The following PDE10A variants were observed in gnomAD, a reference collection of about 807,000 sequenced individuals.
The protein encoded by PDE10A is phosphodiesterase 10A, also known as cAMP and cAMP-inhibited cGMP 3',5'-cyclic phosphodiesterase 10A.
Under a neutral mutation model 97.7 loss-of-function variants are expected in PDE10A, and 39 were observed. That is an observed-to-expected ratio of 0.40 (90% CI 0.31 to 0.52). The LOEUF (loss-of-function observed/expected upper bound fraction) is 0.52. Ranked by LOEUF, PDE10A falls within the 20% of genes least tolerant of loss-of-function variation. The pLI is 0.56. For missense variants in PDE10A, 731 were observed against 1,047.8 expected (o/e 0.70, Z 4.17); for synonymous variants, 371 against 376.8 (o/e 0.98, Z 0.18).
At chr6:165,413,797 T>C in intron 12 of PDE10A, 110 bp from the exon 13 acceptor site, 1 of 772,962 alleles carries the variant, frequency 1.3e-6, no homozygotes, top group East Asian at 2.7e-5. Context: ...CATATGCTTC[T>C]ATTGCATATG....
At chr6:165,762,388 A>T (rs1487222914) in intron 1 of PDE10A, among the ~76,000 whole-genome samples, 1 of 152,110 alleles carries the variant, frequency 6.6e-6, no homozygotes, top group Non-Finnish European at 1.5e-5. Context: ...CCAAACCCCT[A>T]GCATTTCAGT....
chr6:165,720,211 G>A (rs367746237), intron 1 of PDE10A, among the ~76,000 whole-genome samples: 4 of 152,268 alleles, frequency 2.6e-5, no homozygotes, highest in Admixed American at 1.3e-4. Context: ...GGGTGTTCCT[G>A]TATTTTGTTT....
chr6:165,708,751 G>C (rs10455959), intron 1 of PDE10A, among the ~76,000 whole-genome samples: 40,612 of 70,992 alleles, frequency 0.57, 9,213 homozygotes, highest in African/African-American at 0.63. Context: ...ACTCTCCACC[G>C]CCATGCTGCC....
At chr6:165,867,575 A>T (rs1278536439) in intron 1 of PDE10A, among the ~76,000 whole-genome samples, 1 of 152,042 alleles carries the variant, frequency 6.6e-6, no homozygotes, top group Admixed American at 6.5e-5. Context: ...CCAATACAAT[A>T]ATTAGGGACT....
intron 1 of PDE10A, among the ~76,000 whole-genome samples, chr6:165,583,571 A>T (rs1393729916): frequency 6.6e-6 from 1 of 152,224 alleles, no homozygotes; most frequent in African/African-American, 2.4e-5. Context: ...CTTACTTCAC[A>T]GCAAATGAGG....
chr6:165,902,443 G>A (rs889609552), intron 1 of PDE10A, among the ~76,000 whole-genome samples: 3 of 152,168 alleles, frequency 2.0e-5, no homozygotes, highest in African/African-American at 7.2e-5. Flanking sequence ...GTTGCTTTTG[G>A]CATCACATGA....
At chr6:165,539,308 GA>G (rs1783281676) in intron 2 of PDE10A, among the ~76,000 whole-genome samples, 1 of 152,002 alleles carries the variant, frequency 6.6e-6, no homozygotes, top group African/African-American at 2.4e-5. Flanking sequence ...ATAAGAGTTA[GA>G]AAAAAAGACT....
In PDE10A at chr6:165,395,253, T is replaced by C; in HGVS notation, c.2231A>G (p.Asp744Gly). Residue 744 changes from aspartate to glycine, a missense_variant, in exon 15 of 22, where the codon GAC becomes GGC. By Grantham distance (94) the Asp-to-Gly change is moderately conservative. Coordinates refer to ENST00000539869, the MANE Select transcript of PDE10A (RefSeq NM_001385079.1). ...CCACATGTTTTCAAAAGGACCAATG[T>C]CAAAGTGGAATCTGAAATTTTAAAA... ...LCKEIELFHFDIGPFENMWPG... is the reference protein window; with the variant it reads ...LCKEIELFHFGIGPFENMWPG... 6.2e-7 allele frequency: 1 copy of C among 1,612,374 alleles called. No homozygotes were observed. The highest frequency in any genetic ancestry group is 8.5e-7 in the Non-Finnish European group (1 of 1,178,638).
At chr6:165,527,650 T>C (rs1415614570) in intron 2 of PDE10A, among the ~76,000 whole-genome samples, 1 of 152,170 alleles carries the variant, frequency 6.6e-6, no homozygotes, top group Non-Finnish European at 1.5e-5. Context: ...TTCTGACCCA[T>C]CTAGCCATAA....
At position 165,943,215 on chromosome 6, in the gene PDE10A, GAAAGAAAGAAAGAAAGAAA is replaced by G. The variant is rs1783609818; in HGVS notation, c.-615+44295_-615+44313del. 1.6e-4 allele frequency among the ~76,000 whole-genome samples: 12 copies of G among 76,490 alleles called. 1 individual carries two copies. Among genetic ancestry groups the G allele is most frequent in the Admixed American group, 6.4e-4 (5 of 7,806 alleles). 50.2% of individuals were successfully genotyped at this position (76,490 alleles called of 152,430 possible). A position where few individuals can be genotyped will look rare whatever the true frequency, so the allele number is the denominator to read the frequency against. On this transcript the variant is annotated intron_variant, in intron 1 of 19. Coordinates refer to the PDE10A transcript ENST00000366882. ...AGAAAGAAAGAAAGAAAGAAAGAAA[GAAAGAAAGAAAGAAAGAAA>G]GAAGGAAGGAAGGAAGGAAGGAAGG...
chr6:165,619,888 G>A (rs1025694551), intron 1 of PDE10A, among the ~76,000 whole-genome samples: 1 of 152,036 alleles, frequency 6.6e-6, no homozygotes, highest in Admixed American at 6.6e-5. Context: ...CATTTATAAT[G>A]GCTACATGAT....
chr6:165,708,192 C>T (rs914663051), intron 1 of PDE10A, among the ~76,000 whole-genome samples: 3 of 152,150 alleles, frequency 2.0e-5, no homozygotes, highest in African/African-American at 4.8e-5. Context: ...TGCAGAGCCC[C>T]GGTCAGGTCA....
intron 1 of PDE10A, among the ~76,000 whole-genome samples, chr6:165,889,264 A>C (rs1481192761): frequency 6.6e-6 from 1 of 152,216 alleles, no homozygotes; most frequent in East Asian, 1.9e-4. Context: ...AATATGGACC[A>C]CAGGTGCCAG....
chr6:165,582,444 A>T (rs934342047), intron 1 of PDE10A, among the ~76,000 whole-genome samples: 1 of 152,230 alleles, frequency 6.6e-6, no homozygotes, highest in Non-Finnish European at 1.5e-5. Flanking sequence ...CAAATTAAGT[A>T]CATTTTTCTA....
chr6:165,584,859 T>C (rs1269406251), intron 1 of PDE10A, among the ~76,000 whole-genome samples: 1 of 152,092 alleles, frequency 6.6e-6, no homozygotes, highest in African/African-American at 2.4e-5. Context: ...CAACAGGCTG[T>C]GGTGCTCCCA....
At chr6:165,779,158 T>C (rs1350967384) in intron 1 of PDE10A, among the ~76,000 whole-genome samples, 1 of 152,238 alleles carries the variant, frequency 6.6e-6, no homozygotes, top group Admixed American at 6.5e-5. Flanking sequence ...ACACAAACTA[T>C]TAGGAATTGA....
intron 1 of PDE10A, among the ~76,000 whole-genome samples, chr6:165,762,822 C>A (rs897013141): frequency 3.3e-5 from 5 of 152,262 alleles, no homozygotes; most frequent in African/African-American, 4.8e-5. Flanking sequence ...TGCAGTTCTA[C>A]CCAAACACCA....
intron 1 of PDE10A, among the ~76,000 whole-genome samples, chr6:165,895,709 C>T (rs1781924080): frequency 6.6e-6 from 1 of 152,220 alleles, no homozygotes; most frequent in African/African-American, 2.4e-5. Flanking sequence ...CCCCTAGTTC[C>T]TGCTCTCATG....
intron 1 of PDE10A, among the ~76,000 whole-genome samples, chr6:165,627,974 AAT>A (rs1392072187): frequency 6.6e-6 from 1 of 152,216 alleles, no homozygotes; most frequent in African/African-American, 2.4e-5. Flanking sequence ...CTTTACACAT[AAT>A]TGTGACACCT....
Sources: allele counts gnomAD v4.1 joint callset (sites outside exome capture counted in the v4.1 genomes callset), GRCh38; gene constraint gnomAD v4.1.1; transcripts MANE v1.5; gene names NCBI Gene and HGNC (gene_info 2026-07-23, HGNC 2026-07-21).